Variants in ABCG2 observed in about 807,000 individuals in gnomAD.
ABCG2 encodes the protein broad substrate specificity ATP-binding cassette transporter ABCG2.
ABCG2 carries 80 observed loss-of-function variants against 73.5 expected under a neutral mutation model. The ratio of observed to expected loss-of-function variants is 1.09; its 90% CI spans 0.91 to 1.31. The LOEUF (loss-of-function observed/expected upper bound fraction) is 1.31. Ranked by LOEUF, ABCG2 falls within the 50% of genes most tolerant of loss-of-function variation. The pLI is 0.00. For synonymous variants in ABCG2, 269 were observed against 282.4 expected, an observed-to-expected ratio of 0.95 and a Z score of 0.48; for missense variants, 796 against 786.2, an observed-to-expected ratio of 1.01 and a Z score of -0.15.
chr4:88,131,358 T>C (rs1724860279), intron 4 of ABCG2, 145 bp from the exon 5 acceptor site: 1 of 852,746 alleles, frequency 1.2e-6, no homozygotes, highest in East Asian at 2.6e-5. Context: ...GTTCTGCAAA[T>C]GACAGTTAAC....
At chr4:88,220,549 T>G (rs1729978562) in intron 1 of ABCG2, 1 of 152,682 alleles carries the variant, frequency 6.5e-6, no homozygotes, top group Non-Finnish European at 1.5e-5. Context: ...GCTTCCCATT[T>G]ATCTTGATTC....
Position 88,097,600 on chromosome 4 carries a change from C to T in ABCG2, c.1500G>A (p.Lys500=), listed in dbSNP as rs767372178. The part of the protein sequence containing the change: ...TCIVYFMLGL[K]PKADAFFVMM... Reference sequence around the variant, plus strand: ...TAACGAAGAAGGCATCTGCCTTTGGCTTCAATCCTTAGTCAGAAAGAGAAG... The same window carrying T: ...TAACGAAGAAGGCATCTGCCTTTGGTTTCAATCCTTAGTCAGAAAGAGAAG... The change falls in exon 13 of 16, where the codon AAG becomes AAA. Residue 500 remains lysine, a synonymous_variant. Transcript: ENST00000237612. The T allele has an allele frequency of 6.2e-7, 1 of 1,613,846 alleles. No homozygotes were observed. Among genetic ancestry groups the T allele is most frequent in the East Asian group, 2.2e-5 (1 of 44,866 alleles).
chr4:88,158,406 C>A lies in ABCG2; in HGVS notation c.-40G>T. The stretch of plus-strand genomic sequence containing the variant: ...CTCACTCAGCTTAATAGAGCTCGGT[C>A]TTAACCAAAGGCTCAGGATCTCAGG... On this transcript the variant is annotated 5_prime_UTR_variant, in exon 1 of 16. Coordinates refer to ENST00000237612, the MANE Select transcript of ABCG2 (RefSeq NM_004827.3). The A allele has an allele frequency of 2.3e-6, 1 of 429,168 alleles. No individual in the cohort carries two copies. 26.6% of individuals were successfully genotyped at this position (429,168 alleles called of 1,614,324 possible). A position where few individuals can be genotyped will look rare whatever the true frequency, so the allele number is the denominator to read the frequency against.
upstream of ABCG2, among the ~76,000 whole-genome samples, chr4:88,159,705 A>G (rs1453194706): frequency 6.6e-6 from 1 of 152,208 alleles, no homozygotes; most frequent in Admixed American, 6.5e-5. Flanking sequence ...AGGAATAACT[A>G]TTAATGGTTC....
chr4:88,098,069 C>G (rs1314738966), intron 12 of ABCG2, among the ~76,000 whole-genome samples: 1 of 152,160 alleles, frequency 6.6e-6, no homozygotes, highest in Admixed American at 6.5e-5. Context: ...CCAAGCCTCC[C>G]CAGACAGATC....
At chr4:88,137,095 G>A (rs1316907198) in intron 2 of ABCG2, among the ~76,000 whole-genome samples, 5 of 149,578 alleles carry the variant, frequency 3.3e-5, no homozygotes, top group African/African-American at 7.3e-5. Context: ...AATGAGAGAC[G>A]GAGAGAGGGA....
At chr4:88,097,369 A>G in intron 13 of ABCG2, 84 bp downstream of exon 13, 2 of 1,501,512 alleles carry the variant, frequency 1.3e-6, no homozygotes, top group Non-Finnish European at 1.8e-6. Flanking sequence ...TCCTCAAAAC[A>G]GGTTTTACAT....
chr4:88,128,556 T>C (rs1470324129), intron 5 of ABCG2, among the ~76,000 whole-genome samples: 3 of 151,984 alleles, frequency 2.0e-5, no homozygotes, highest in African/African-American at 7.3e-5. Flanking sequence ...ATAAAGAAAA[T>C]GTGGCATATA....
At chr4:88,151,738 CAAA>C (rs879309343) in intron 1 of ABCG2, among the ~76,000 whole-genome samples, 9 of 87,272 alleles carry the variant, frequency 1.0e-4, no homozygotes, top group Non-Finnish European at 7.2e-5. Flanking sequence ...GACTCCATCT[CAAA>C]AAAAAAAAAA....
intron 1 of ABCG2, among the ~76,000 whole-genome samples, chr4:88,153,781 CG>C (rs1726717348): frequency 6.6e-6 from 1 of 152,054 alleles, no homozygotes; most frequent in Non-Finnish European, 1.5e-5. Context: ...TTTCCTGACT[CG>C]GGGCATGTGA....
At chr4:88,127,046 A>G (rs1458312277) in intron 5 of ABCG2, among the ~76,000 whole-genome samples, 2 of 152,200 alleles carry the variant, frequency 1.3e-5, no homozygotes, top group East Asian at 1.9e-4. Context: ...TCAGCCCAAA[A>G]TCTCTGAAGG....
chr4:88,149,642 G>A (rs757009183), intron 1 of ABCG2, among the ~76,000 whole-genome samples: 12 of 151,394 alleles, frequency 7.9e-5, no homozygotes, highest in Non-Finnish European at 1.8e-4. Context: ...ACATGAGGTC[G>A]GGAGTTCGAG....
rs571165123 is a variant in ABCG2 at position 88,186,182 on chromosome 4, C to CA, written c.-20+44811dup. On this transcript the variant is annotated intron_variant, in intron 1 of 15. Transcript: ENST00000515655. The stretch of plus-strand genomic sequence containing the variant: ...TACACAACAGAATACTATTCAGCCA[C>CA]AAAAAAATTAGATCCTGGCATCTGC... Among the ~76,000 whole-genome samples, 696 of 152,176 alleles carry CA rather than the reference C, an allele frequency of 4.6e-3. 4 individuals carry two copies. Among genetic ancestry groups the CA allele is most frequent in the African/African-American group, 0.016 (665 of 41,518 alleles).
chr4:88,141,217 G>C (rs1035916323), intron 1 of ABCG2, among the ~76,000 whole-genome samples: 2 of 152,156 alleles, frequency 1.3e-5, no homozygotes, highest in African/African-American at 4.8e-5. Flanking sequence ...GAAGAGTTCT[G>C]TCTGATAAAA....
chr4:88,212,238 A>G (rs987896357), intron 1 of ABCG2, among the ~76,000 whole-genome samples: 3 of 152,116 alleles, frequency 2.0e-5, no homozygotes, highest in African/African-American at 7.2e-5. Flanking sequence ...CCCAAAGTGG[A>G]TCATCTAATA....
chr4:88,208,712 T>C (rs1350936972), intron 1 of ABCG2, among the ~76,000 whole-genome samples: 1 of 152,198 alleles, frequency 6.6e-6, no homozygotes, highest in African/African-American at 2.4e-5. Context: ...ACTTCCATTT[T>C]TTAATTTAAA....
At chr4:88,174,286 G>A (rs1413216443) in intron 1 of ABCG2, among the ~76,000 whole-genome samples, 1 of 151,976 alleles carries the variant, frequency 6.6e-6, no homozygotes, top group Non-Finnish European at 1.5e-5. Context: ...AGCCCCGCAT[G>A]CATTAGGTAT....
chr4:88,151,868 ATG>A (rs762352723), intron 1 of ABCG2, among the ~76,000 whole-genome samples: 23 of 152,302 alleles, frequency 1.5e-4, no homozygotes, highest in Non-Finnish European at 2.6e-4. Context: ...GGAGCATGTA[ATG>A]TGTGTGTACT....
intron 1 of ABCG2, among the ~76,000 whole-genome samples, chr4:88,191,651 G>GT (rs1226536952): frequency 6.6e-6 from 1 of 152,168 alleles, no homozygotes; most frequent in Non-Finnish European, 1.5e-5. Flanking sequence ...ACAAAGGGCT[G>GT]TAAGCAAATG....
Sources: allele counts gnomAD v4.1 joint callset (sites outside exome capture counted in the v4.1 genomes callset), GRCh38; gene constraint gnomAD v4.1.1; transcripts MANE v1.5; gene names NCBI Gene and HGNC (gene_info 2026-07-23, HGNC 2026-07-21).